ADAMTS16: variants seen among roughly 807,000 people sequenced by gnomAD.
ADAMTS16 encodes the protein A disintegrin and metalloproteinase with thrombospondin motifs 16.
Under a neutral mutation model 145.8 loss-of-function variants are expected in ADAMTS16, and 94 were observed. The ratio of observed to expected loss-of-function variants is 0.64; its 90% confidence interval spans 0.55 to 0.77. The LOEUF (loss-of-function observed/expected upper bound fraction) is 0.77. Among genes scored for constraint, ADAMTS16 ranks in the 30% least tolerant of loss-of-function variants. ADAMTS16 has a pLI of 0.00. For synonymous variants in ADAMTS16, 659 were observed against 604.3 expected (o/e 1.09, Z -1.33); for missense variants, 1,585 against 1,591.5 (o/e 1.00, Z 0.07).
In ADAMTS16 at chr5:5,144,097, C is replaced by T. The variant is rs115857635; in HGVS notation, c.176-2033C>T. Among the ~76,000 whole-genome samples, 982 of 149,602 alleles carry T rather than the reference C, an allele frequency of 6.6e-3. 10 individuals are homozygous for T. The highest frequency in any genetic ancestry group is 0.023 in the African/African-American group (945 of 40,410). ...CTATGTAACAAACCTGTACGTTCTA[C>T]ACATGTATCCCAGAACTTAAATTAT... On this transcript the variant is annotated intron_variant, in intron 2 of 22. Coordinates refer to ENST00000274181, the MANE Select transcript of ADAMTS16 (RefSeq NM_139056.4).
chr5:5,298,735 T>G (rs777399285), intron 18 of ADAMTS16, among the ~76,000 whole-genome samples: 9 of 152,256 alleles, frequency 5.9e-5, no homozygotes, highest in African/African-American at 9.6e-5. Context: ...AAATTATACA[T>G]GTGAAGATGC....
intron 3 of ADAMTS16, among the ~76,000 whole-genome samples, chr5:5,172,192 A>C (rs149710214): frequency 6.6e-6 from 1 of 152,148 alleles, no homozygotes; most frequent in African/African-American, 2.4e-5. Context: ...CTTTTCAAAA[A>C]ACCAACTTTT....
chr5:5,318,730 A>G (rs1280886041), intron 22 of ADAMTS16, among the ~76,000 whole-genome samples: 1 of 152,168 alleles, frequency 6.6e-6, no homozygotes. Context: ...GTTTGGCTCA[A>G]CCAGAGAATT....
chr5:5,170,131 C>T (rs938482362), intron 3 of ADAMTS16, among the ~76,000 whole-genome samples: 2 of 152,110 alleles, frequency 1.3e-5, no homozygotes, highest in Non-Finnish European at 2.9e-5. Context: ...CCGAATTGTT[C>T]TACAGAGTGG....
chr5:5,249,661 C>G (rs764993496), intron 17 of ADAMTS16, among the ~76,000 whole-genome samples: 4 of 152,124 alleles, frequency 2.6e-5, no homozygotes, highest in Non-Finnish European at 5.9e-5. Context: ...TGTCTGCGAC[C>G]CCTGGAGCCC....
chr5:5,186,635 A>C (rs1390509559), intron 5 of ADAMTS16, among the ~76,000 whole-genome samples: 1 of 152,198 alleles, frequency 6.6e-6, no homozygotes. Context: ...AGAAATGCCC[A>C]ACTTTTTAGA....
chr5:5,256,054 T>C (rs921352702), intron 17 of ADAMTS16, among the ~76,000 whole-genome samples: 1 of 152,234 alleles, frequency 6.6e-6, no homozygotes, highest in Non-Finnish European at 1.5e-5. Context: ...TTCTTTTTGC[T>C]CTATTTCTGT....
At chr5:5,178,915 G>A (rs1735265984) in intron 3 of ADAMTS16, among the ~76,000 whole-genome samples, 1 of 151,912 alleles carries the variant, frequency 6.6e-6, no homozygotes, top group Non-Finnish European at 1.5e-5. Flanking sequence ...TGTGGTGCTG[G>A]GTGCACCAAC....
intron 17 of ADAMTS16, among the ~76,000 whole-genome samples, chr5:5,252,478 C>G (rs748739751): frequency 6.6e-6 from 1 of 151,978 alleles, no homozygotes; most frequent in Non-Finnish European, 1.5e-5. Flanking sequence ...TGAGTGTAGA[C>G]GCCTTAGTGC....
chr5:5,214,583 T>C (rs1560952074), intron 10 of ADAMTS16, among the ~76,000 whole-genome samples: 1 of 152,166 alleles, frequency 6.6e-6, no homozygotes, highest in Non-Finnish European at 1.5e-5. Context: ...TTTGTATTTT[T>C]TGTTGAGACA....
At chr5:5,274,917 T>G (rs1263830048) in intron 18 of ADAMTS16, among the ~76,000 whole-genome samples, 1 of 152,178 alleles carries the variant, frequency 6.6e-6, no homozygotes, top group Non-Finnish European at 1.5e-5. Flanking sequence ...TTCACTAAGA[T>G]TTCCCACACT....
intron 10 of ADAMTS16, among the ~76,000 whole-genome samples, chr5:5,220,490 T>C (rs1736571391): frequency 6.6e-6 from 1 of 151,998 alleles, no homozygotes; most frequent in Admixed American, 6.6e-5. Flanking sequence ...CACTTTACCT[T>C]GTATTATTTT....
chr5:5,241,823 C>T (rs1737300513), intron 16 of ADAMTS16, among the ~76,000 whole-genome samples: 1 of 101,862 alleles, frequency 9.8e-6, no homozygotes, highest in Non-Finnish European at 1.9e-5. Context: ...CGGGCATACA[C>T]TAACTGTAAG....
chr5:5,297,111 C>A (rs1401433154), intron 18 of ADAMTS16, among the ~76,000 whole-genome samples: 3 of 152,156 alleles, frequency 2.0e-5, no homozygotes, highest in Admixed American at 6.5e-5. Context: ...AGCACAGTCT[C>A]CACACACATA....
At chr5:5,314,892 C>G (rs1000663536) in intron 21 of ADAMTS16, among the ~76,000 whole-genome samples, 1 of 152,198 alleles carries the variant, frequency 6.6e-6, no homozygotes, top group African/African-American at 2.4e-5. Context: ...GGTTTTGCAA[C>G]TGTCCTAAGG....
intron 3 of ADAMTS16, among the ~76,000 whole-genome samples, chr5:5,151,382 G>A (rs186404148): frequency 8.6e-5 from 13 of 151,962 alleles, no homozygotes; most frequent in African/African-American, 2.9e-4. Context: ...GGGATTGCAG[G>A]TGCACACCAC....
chr5:5,240,788 C>T (rs1737263163), intron 16 of ADAMTS16, among the ~76,000 whole-genome samples: 1 of 152,186 alleles, frequency 6.6e-6, no homozygotes, highest in African/African-American at 2.4e-5. Context: ...TCCTGTCCTG[C>T]CCCTGAACTC....
chr5:5,316,028 G>A (rs1388740214), intron 21 of ADAMTS16, among the ~76,000 whole-genome samples: 1 of 152,132 alleles, frequency 6.6e-6, no homozygotes, highest in Non-Finnish European at 1.5e-5. Context: ...TCCTCTCAGT[G>A]GGCAGATAAA....
At chr5:5,250,736 T>TGTGTGTGTGTGC (rs764397980) in intron 17 of ADAMTS16, among the ~76,000 whole-genome samples, 111 of 141,920 alleles carry the variant, frequency 7.8e-4, no homozygotes, top group South Asian at 2.2e-3. Context: ...TGTGTGTGTG[T>TGTGTGTGTGTGC]GCGCGCACTC....
Sources: allele counts gnomAD v4.1 joint callset (sites outside exome capture counted in the v4.1 genomes callset), GRCh38; gene constraint gnomAD v4.1.1; transcripts MANE v1.5; gene names NCBI Gene and HGNC (gene_info 2026-07-23, HGNC 2026-07-21).